Variants in BAIAP2L2 observed in about 807,000 individuals in gnomAD.
The protein encoded by BAIAP2L2 is BAR/IMD domain containing adaptor protein 2 like 2.
Under a neutral mutation model 60.4 loss-of-function variants are expected in BAIAP2L2, and 65 were observed. The observed-to-expected ratio is 1.08, with a 90% CI of 0.88 to 1.32. BAIAP2L2 has a LOEUF of 1.32. BAIAP2L2 is among the 40% of genes most tolerant of loss of function. BAIAP2L2 has a pLI of 0.00. For missense variants in BAIAP2L2, 836 were observed against 741.2 expected, an observed-to-expected ratio of 1.13 and a Z score of -1.48; for synonymous variants, 344 against 301.7, an observed-to-expected ratio of 1.14 and a Z score of -1.45.
At chr22:38,087,879 C>T (rs2086145239) in intron 10 of BAIAP2L2, among the ~76,000 whole-genome samples, 1 of 144,320 alleles carries the variant, frequency 6.9e-6, no homozygotes, top group South Asian at 2.4e-4. Context: ...TCCCTAACCA[C>T]CCAGTCAGTG....
chr22:38,085,830 G>A (rs1427271397), intron 12 of BAIAP2L2, 98 bp from the exon 13 acceptor site: 1 of 1,186,406 alleles, frequency 8.4e-7, no homozygotes, highest in African/African-American at 1.5e-5. Context: ...GCAGAGGACT[G>A]GGCCAGAGAG....
At chr22:38,103,425 G>T (rs185973566) in intron 4 of BAIAP2L2, among the ~76,000 whole-genome samples, 4 of 152,284 alleles carry the variant, frequency 2.6e-5, no homozygotes, top group Middle Eastern at 3.4e-3. Context: ...TTATGGCTTT[G>T]AAATACCACT....
chr22:38,100,147 T>C (rs1569227230), intron 4 of BAIAP2L2, among the ~76,000 whole-genome samples: 1 of 152,132 alleles, frequency 6.6e-6, no homozygotes, highest in African/African-American at 2.4e-5. Context: ...TGCGTTGTTA[T>C]AGAAATGCCA....
intron 4 of BAIAP2L2, among the ~76,000 whole-genome samples, chr22:38,104,887 C>T (rs908310436): frequency 2.0e-5 from 3 of 151,786 alleles, no homozygotes; most frequent in Non-Finnish European, 4.4e-5. Flanking sequence ...CAAGGAAATG[C>T]GACCTCAGAC....
chr22:38,090,922 C>T (rs1229520451), intron 7 of BAIAP2L2: 3 of 152,260 alleles, frequency 2.0e-5, no homozygotes, highest in Admixed American at 2.0e-4. Context: ...ACTAGTCTAG[C>T]TGGTCACTAA....
intron 1 of BAIAP2L2, 43 bp downstream of exon 1, chr22:38,110,431 TG>T: frequency 6.3e-7 from 1 of 1,591,672 alleles, no homozygotes; most frequent in Non-Finnish European, 8.6e-7. Context: ...TTCTGTGCCC[TG>T]GGAGGAGGGG....
In BAIAP2L2 at chr22:38,086,355, G is replaced by A. The variant is rs376182024; in HGVS notation, c.1354C>T (p.Arg452Cys). 172 of 773,186 alleles carry A rather than the reference G, an allele frequency of 2.2e-4. 1 individual carries two copies. Among genetic ancestry groups the A allele is most frequent in the African/African-American group, 7.4e-4 (47 of 63,124 alleles). 47.9% of individuals were successfully genotyped at this position (773,186 alleles called of 1,614,324 possible). A position where few individuals can be genotyped will look rare whatever the true frequency, so the allele number is the denominator to read the frequency against. ...GGCACCCGGCTTGGGGTGCGGGAGC[G>A]GGACTGGCCATCCCAGTACTCCGAG... ...APSEYWDGQSRSRTPSRVPSR... is the reference protein window; with the variant it reads ...APSEYWDGQSCSRTPSRVPSR... Residue 452 changes from arginine (R) to cysteine (C), a missense_variant, in exon 12 of 14, where the codon CGC becomes TGC. Coordinates refer to ENST00000381669, the MANE Select transcript of BAIAP2L2 (RefSeq NM_025045.6).
In BAIAP2L2 at chr22:38,089,113, G is replaced by A. The variant is rs1250247938; in HGVS notation, c.884C>T (p.Pro295Leu). 4.4e-6 allele frequency: 6 copies of A among 1,372,848 alleles called. No individual in the cohort carries two copies. Among genetic ancestry groups the A allele is most frequent in the Middle Eastern group, 2.3e-4 (1 of 4,320 alleles). 85.0% of individuals were successfully genotyped at this position (1,372,848 alleles called of 1,614,324 possible). A position where few individuals can be genotyped will look rare whatever the true frequency, so the allele number is the denominator to read the frequency against. The change falls in exon 9 of 14, where the codon CCC (proline) becomes CTC (leucine). Residue 295 changes from proline to leucine, a missense_variant. Physicochemically the swap from Pro to Leu is moderately conservative, Grantham distance 98. Transcript: ENST00000381669. ...GCACTCACAGGCCGACGGCGTGCGG[G>A]GCAGGGAGCGACGGTCTGGCTCTAG... ...SQLEPDRRSL[P>L]RTPSASSLYS...
At chr22:38,089,021 C>A in intron 9 of BAIAP2L2, 57 bp from the exon 10 acceptor site, 1 of 1,452,208 alleles carries the variant, frequency 6.9e-7, no homozygotes, top group Admixed American at 2.4e-5. Context: ...GGCGTCTGCC[C>A]TCGATCCCTC....
chr22:38,095,561 C>G (rs896448193), intron 7 of BAIAP2L2, among the ~76,000 whole-genome samples: 1 of 152,110 alleles, frequency 6.6e-6, no homozygotes, highest in Non-Finnish European at 1.5e-5. Context: ...AACGGGGTTT[C>G]GCCATGTTGG....
chr22:38,087,487 C>T (rs907351824), intron 10 of BAIAP2L2, among the ~76,000 whole-genome samples: 1 of 152,102 alleles, frequency 6.6e-6, no homozygotes, highest in Non-Finnish European at 1.5e-5. Context: ...AAGGATGGAA[C>T]GATGGTCCCA....
At chr22:38,092,942 G>A (rs2086341137) in intron 7 of BAIAP2L2, among the ~76,000 whole-genome samples, 1 of 152,034 alleles carries the variant, frequency 6.6e-6, no homozygotes, top group Non-Finnish European at 1.5e-5. Flanking sequence ...GTGGGTGGGT[G>A]GATCACCTGA....
chr22:38,089,219 G>C lies in BAIAP2L2; in HGVS notation c.778C>G (p.Leu260Val). Residue 260 changes from leucine to valine, a missense_variant, in exon 9 of 14, where the codon CTG becomes GTG. Leu to Val is a conservative substitution (Grantham distance 32). Coordinates refer to ENST00000381669, the MANE Select transcript of BAIAP2L2 (RefSeq NM_025045.6). ...CTGCGGGGGGAGCTGAACTCTCCCA[G>C]GGGCCTCGGGGGCTGCGGGGGAGAT... ...PTCLDMPPRP[L>V]GEFSSPRSRH... 16 of 1,169,048 alleles carry C rather than the reference G, an allele frequency of 1.4e-5. No homozygotes were observed. The highest frequency in any genetic ancestry group is 1.7e-5 in the Non-Finnish European group (16 of 933,222). The allele number at this position is 1,169,048 out of a possible 1,614,324, so 72.4% of individuals were successfully genotyped here. A position where few individuals can be genotyped will look rare whatever the true frequency, so the allele number is the denominator to read the frequency against.
chr22:38,101,546 C>CAAAAAAA (rs71195082), intron 4 of BAIAP2L2, among the ~76,000 whole-genome samples: 2 of 30,922 alleles, frequency 6.5e-5, no homozygotes, highest in Admixed American at 5.5e-4. Flanking sequence ...GATCCTGTCT[C>CAAAAAAA]AAAAAAAAAA....
chr22:38,109,269 G>T, intron 1 of BAIAP2L2, 61 bp from the exon 2 acceptor site: 1 of 1,377,514 alleles, frequency 7.3e-7, no homozygotes, highest in Non-Finnish European at 1.0e-6. Flanking sequence ...AAGGAACCAC[G>T]GATGGAGTCA....
intron 2 of BAIAP2L2, among the ~76,000 whole-genome samples, chr22:38,108,667 G>A (rs1037803630): frequency 6.6e-6 from 1 of 152,210 alleles, no homozygotes; most frequent in African/African-American, 2.4e-5. Context: ...GGGTTTGCAC[G>A]GGGACCGAGT....
chr22:38,110,111 G>GAGAGAGACAGAGAGAGGGAGAGAGAGAC (rs1569234287), intron 1 of BAIAP2L2, among the ~76,000 whole-genome samples: 1 of 33,236 alleles, frequency 3.0e-5, no homozygotes, highest in Non-Finnish European at 5.6e-5. Context: ...GAGAGAGGGA[G>GAGAGAGACAGAGAGAGGGAGAGAGAGAC]AGAGAGAGGG....
intron 1 of BAIAP2L2, among the ~76,000 whole-genome samples, chr22:38,109,931 A>G (rs1013797469): frequency 2.7e-5 from 4 of 149,948 alleles, no homozygotes; most frequent in East Asian, 2.0e-4. Context: ...CTCCAGGTGA[A>G]AGGGTCCTGC....
intron 12 of BAIAP2L2, 143 bp from the exon 13 acceptor site, chr22:38,085,875 C>G: frequency 1.2e-6 from 1 of 840,918 alleles, no homozygotes; most frequent in South Asian, 1.7e-5. Flanking sequence ...AAATGAGACC[C>G]TGACGTTCTG....
Sources: allele counts gnomAD v4.1 joint callset (sites outside exome capture counted in the v4.1 genomes callset), GRCh38; gene constraint gnomAD v4.1.1; transcripts MANE v1.5; gene names NCBI Gene and HGNC (gene_info 2026-07-23, HGNC 2026-07-21).